The following PGM5 variants were observed in gnomAD, a reference collection of about 807,000 sequenced individuals.
PGM5 encodes phosphoglucomutase 5.
PGM5 carries 23 observed loss-of-function variants against 59.2 expected under a neutral mutation model. The observed-to-expected ratio is 0.39, with a 90% CI of 0.28 to 0.55. PGM5 has a LOEUF of 0.55. Among genes scored for constraint, PGM5 ranks in the 20% least tolerant of loss-of-function variants. The probability of loss-of-function intolerance (pLI) is 0.66; values close to 1 mark genes in which losing one functional copy is unlikely to be tolerated. For synonymous variants in PGM5, 214 were observed against 286.0 expected, an observed-to-expected ratio of 0.75 and a Z score of 2.54; for missense variants, 574 against 748.3, an observed-to-expected ratio of 0.77 and a Z score of 2.72.
At chr9:68,485,347 T>G (rs184899580) in intron 9 of PGM5, among the ~76,000 whole-genome samples, 8 of 152,264 alleles carry the variant, frequency 5.3e-5, no homozygotes, top group Middle Eastern at 3.4e-3. Flanking sequence ...CACCCAAATC[T>G]CATCTTGAAC....
At chr9:68,495,487 A>T (rs981105108) in intron 9 of PGM5, among the ~76,000 whole-genome samples, 2 of 152,240 alleles carry the variant, frequency 1.3e-5, no homozygotes, top group Non-Finnish European at 2.9e-5. Flanking sequence ...GGCTTTCCTA[A>T]TACTTGGCTC....
At chr9:68,376,678 A>C (rs1821895040) in intron 1 of PGM5, among the ~76,000 whole-genome samples, 1 of 152,114 alleles carries the variant, frequency 6.6e-6, no homozygotes, top group Admixed American at 6.5e-5. Context: ...AGTACTTATC[A>C]AATGAATTAT....
At position 68,379,937 on chromosome 9, in the gene PGM5, A is replaced by C. The variant is rs560570142; in HGVS notation, c.424+1576A>C. 2.0e-5 allele frequency among the ~76,000 whole-genome samples: 3 copies of C among 152,102 alleles called. No homozygotes were observed. The East Asian group carries it at 5.8e-4, about 29-fold the overall frequency. On this transcript the variant is annotated intron_variant, in intron 2 of 10. Transcript: ENST00000396396. Reference sequence around the variant, plus strand: ...TAAACATATATGCATCCAACATTGAAGCACTTAAATATGTAAAGCAAATAT... The same window carrying C: ...TAAACATATATGCATCCAACATTGACGCACTTAAATATGTAAAGCAAATAT...
chr9:68,357,376 C>A lies in PGM5; in HGVS notation c.249C>A (p.Ala83=). 1 of 1,558,266 alleles carries A rather than the reference C, an allele frequency of 6.4e-7. No individual in the cohort carries two copies. Among genetic ancestry groups the A allele is most frequent in the Non-Finnish European group, 8.7e-7 (1 of 1,154,404 alleles). ...RTAIEIVVQM[A]AANGIGRLII... ...CCATCGAGATCGTGGTGCAGATGGC[C>A]GCGGCCAACGGGGTGAGTGTCCGGA... Residue 83 remains alanine (A), a synonymous_variant, in exon 1 of 11, where the codon GCC becomes GCA. Transcript: ENST00000396396.
chr9:68,378,011 G>A (rs1821966396), intron 1 of PGM5, among the ~76,000 whole-genome samples, 188 bp from the exon 2 acceptor site: 1 of 151,924 alleles, frequency 6.6e-6, no homozygotes, highest in African/African-American at 2.4e-5. Flanking sequence ...TGCACCAAAT[G>A]GTCTTAGAGA....
chr9:68,387,727 T>C (rs1822263359), intron 4 of PGM5, 139 bp downstream of exon 4: 1 of 864,282 alleles, frequency 1.2e-6, no homozygotes, highest in Non-Finnish European at 1.8e-6. Flanking sequence ...TGGAATGCTC[T>C]GGAAAACTTC....
Position 68,529,784 on chromosome 9 carries a change from G to C in PGM5, c.*128G>C. 8.9e-6 allele frequency: 3 copies of C among 336,154 alleles called. No individual in the cohort carries two copies. The highest frequency in any genetic ancestry group is 2.1e-4 in the East Asian group (2 of 9,658). 20.8% of individuals were successfully genotyped at this position (336,154 alleles called of 1,614,324 possible). The stretch of plus-strand genomic sequence containing the variant: ...AACAAAAGATATTTTGCTTTTGGGG[G>C]ATAGAGGGTGGGTGGGAAAAGAAAA... On this transcript the variant is annotated 3_prime_UTR_variant, in exon 11 of 11. Coordinates refer to ENST00000396396, the MANE Select transcript of PGM5 (RefSeq NM_021965.4).
intron 9 of PGM5, among the ~76,000 whole-genome samples, chr9:68,485,005 G>A (rs1329964413): frequency 6.6e-6 from 1 of 152,090 alleles, no homozygotes; most frequent in Non-Finnish European, 1.5e-5. Flanking sequence ...GGATATTTTT[G>A]CTCACCGACA....
At chr9:68,367,071 C>T (rs1346611056) in intron 1 of PGM5, among the ~76,000 whole-genome samples, 33 of 152,052 alleles carry the variant, frequency 2.2e-4, no homozygotes, top group Admixed American at 1.7e-3. Context: ...CTCCCCCTCC[C>T]GGCACACATT....
At chr9:68,409,163 A>G (rs1212644314) in intron 6 of PGM5, among the ~76,000 whole-genome samples, 3 of 150,944 alleles carry the variant, frequency 2.0e-5, no homozygotes, top group Non-Finnish European at 2.9e-5. Flanking sequence ...TGCAAATCAA[A>G]ACCACAATGA....
chr9:68,413,374 G>A (rs1274592126), intron 6 of PGM5, among the ~76,000 whole-genome samples: 1 of 151,886 alleles, frequency 6.6e-6, no homozygotes, highest in African/African-American at 2.4e-5. Flanking sequence ...CTCCCCAAGG[G>A]TTTCCCAAAT....
At chr9:68,493,597 A>G (rs1824434877) in intron 9 of PGM5, among the ~76,000 whole-genome samples, 1 of 152,234 alleles carries the variant, frequency 6.6e-6, no homozygotes, top group African/African-American at 2.4e-5. Context: ...TCCTTCTTTC[A>G]GGATGTTAAG....
intron 4 of PGM5, among the ~76,000 whole-genome samples, chr9:68,388,773 A>G (rs1822292357): frequency 6.6e-6 from 1 of 152,172 alleles, no homozygotes; most frequent in African/African-American, 2.4e-5. Context: ...ATTAAACTTG[A>G]GAAATCCAGT....
intron 9 of PGM5, among the ~76,000 whole-genome samples, chr9:68,489,585 C>T (rs927523598): frequency 6.6e-6 from 1 of 151,664 alleles, no homozygotes; most frequent in African/African-American, 2.4e-5. Context: ...GTGCCTCAGC[C>T]TCCTGAGTAG....
At chr9:68,402,338 A>T (rs560542271) in intron 6 of PGM5, 147 of 152,176 alleles carry the variant, frequency 9.7e-4, no homozygotes, top group African/African-American at 3.5e-3. Flanking sequence ...AAAATAATCA[A>T]ACTCTATTTA....
intron 6 of PGM5, among the ~76,000 whole-genome samples, chr9:68,450,555 G>A (rs1398059474): frequency 6.6e-6 from 1 of 152,208 alleles, no homozygotes; most frequent in Non-Finnish European, 1.5e-5. Context: ...GCCACTATCT[G>A]GGAATTCCAT....
chr9:68,529,593 C>T lies in PGM5; in HGVS notation c.1641C>T (p.Ile547=), dbSNP rs76464063. 1.6e-4 allele frequency: 253 copies of T among 1,598,578 alleles called. 2 individuals are homozygous for T. In the East Asian group the frequency reaches 4.3e-3, roughly 27 times the overall value. ...CAGTGCTGAGCCCTCTCATAGCCAT[C>T]GCACTGAAAATATCCCAGATTCATG... is the stretch of plus-strand genomic sequence containing the variant. ...PQAVLSPLIA[I]ALKISQIHER... is the part of the protein sequence containing the mutation. Residue 547 remains isoleucine, a synonymous_variant, in exon 11 of 11, where the codon ATC becomes ATT. Coordinates refer to ENST00000396396, the MANE Select transcript of PGM5 (RefSeq NM_021965.4).
Position 68,514,525 on chromosome 9 carries a change from C to G in PGM5, c.1615-15042C>G, listed in dbSNP as rs1487211848. ...GCTGAGGCAGGAGAATCGCTTGAACCTGGGAGGCGGTGGAGGTTGTGGTGA... is the reference window on the plus strand; with the variant it reads ...GCTGAGGCAGGAGAATCGCTTGAACGTGGGAGGCGGTGGAGGTTGTGGTGA... On this transcript the variant is annotated intron_variant, in intron 10 of 10. Coordinates refer to ENST00000396396, the MANE Select transcript of PGM5 (RefSeq NM_021965.4). 2.6e-5 allele frequency among the ~76,000 whole-genome samples: 4 copies of G among 152,114 alleles called. No homozygotes were observed. The East Asian group carries it at 7.7e-4, about 29-fold the overall frequency.
intron 6 of PGM5, among the ~76,000 whole-genome samples, chr9:68,406,827 AG>A (rs1806268786): frequency 6.7e-6 from 1 of 149,826 alleles, no homozygotes; most frequent in African/African-American, 2.5e-5. Flanking sequence ...AGTGAAGCAT[AG>A]GCAGTGGATT....
Sources: allele counts gnomAD v4.1 joint callset (sites outside exome capture counted in the v4.1 genomes callset), GRCh38; gene constraint gnomAD v4.1.1; transcripts MANE v1.5; gene names NCBI Gene and HGNC (gene_info 2026-07-23, HGNC 2026-07-21).